Variants in IQCJ observed in about 807,000 individuals in gnomAD.
IQCJ encodes IQ motif containing J.
In IQCJ, 9 loss-of-function variants were observed where a neutral mutation model predicts 11.0. That is an observed-to-expected ratio of 0.82 (90% confidence interval 0.49 to 1.43). The LOEUF (loss-of-function observed/expected upper bound fraction) is 1.43, where lower values mean the gene tolerates loss of function less well. Ranked by LOEUF, IQCJ falls within the 40% of genes most tolerant of loss-of-function variation. The pLI, the probability that IQCJ is intolerant of heterozygous loss-of-function variation, is 0.00. For synonymous variants in IQCJ, 55 were observed against 51.3 expected (o/e 1.07, Z -0.31); for missense variants, 146 against 133.2 (o/e 1.10, Z -0.47).
chr3:159,199,849 C>T (rs1216971024), intron 1 of IQCJ, among the ~76,000 whole-genome samples: 2 of 151,860 alleles, frequency 1.3e-5, no homozygotes, highest in African/African-American at 2.4e-5. Context: ...CCAAGACCCA[C>T]AGGAGCAGCA....
chr3:159,262,463 A>G, intron 3 of IQCJ, 85 bp from the exon 4 acceptor site: 1 of 1,532,512 alleles, frequency 6.5e-7, no homozygotes, highest in South Asian at 1.2e-5. Context: ...ATTCCTTCAG[A>G]CTCCTTGTGA....
chr3:159,265,746 C>G (rs1173883581), downstream of IQCJ: 1 of 170,458 alleles, frequency 5.9e-6, no homozygotes, highest in African/African-American at 2.4e-5. Flanking sequence ...CTAACACAAC[C>G]TTAATGGAGG....
At chr3:159,084,907 T>C (rs1365735726) in intron 1 of IQCJ, among the ~76,000 whole-genome samples, 1 of 81,494 alleles carries the variant, frequency 1.2e-5, no homozygotes, top group Non-Finnish European at 2.8e-5. Context: ...GGGGAATGCA[T>C]AAGTTCTTTT....
chr3:159,214,207 C>T (rs1165292716), intron 1 of IQCJ, among the ~76,000 whole-genome samples: 2 of 152,112 alleles, frequency 1.3e-5, no homozygotes, highest in Non-Finnish European at 2.9e-5. Context: ...GTTCACTCTC[C>T]CTCCTTCCAT....
rs528952541 is a variant in IQCJ, at chr3:159,162,799, A to T, written c.10-83044A>T. 2.0e-5 allele frequency among the ~76,000 whole-genome samples: 3 copies of T among 152,350 alleles called. No homozygotes were observed. The South Asian group carries it at 6.2e-4, about 32-fold the overall frequency. ...GTCAGAGAATACTACAAACACCTCT[A>T]TGCAAATAAACTAGAAAATCTAGAA... On this transcript the variant is annotated intron_variant, in intron 1 of 3. Coordinates refer to ENST00000397832, the MANE Select transcript of IQCJ (RefSeq NM_001042706.3).
chr3:159,226,756 C>G (rs1055342059), intron 1 of IQCJ, among the ~76,000 whole-genome samples: 1 of 152,108 alleles, frequency 6.6e-6, no homozygotes, highest in Non-Finnish European at 1.5e-5. Flanking sequence ...GTTCTGGAGA[C>G]AGGGAGGGAA....
At chr3:159,106,687 G>A (rs142796512) in intron 1 of IQCJ, among the ~76,000 whole-genome samples, 5 of 152,122 alleles carry the variant, frequency 3.3e-5, no homozygotes, top group South Asian at 2.1e-4. Context: ...CACTATCTAC[G>A]TAGAGTTAGT....
At chr3:159,074,506 A>G (rs939161884) in intron 1 of IQCJ, among the ~76,000 whole-genome samples, 1 of 152,058 alleles carries the variant, frequency 6.6e-6, no homozygotes, top group African/African-American at 2.4e-5. Context: ...GTGTCTGCAG[A>G]TGAACCATCT....
At chr3:159,125,099 A>G (rs1338304846) in intron 1 of IQCJ, among the ~76,000 whole-genome samples, 1 of 152,174 alleles carries the variant, frequency 6.6e-6, no homozygotes, top group East Asian at 1.9e-4. Context: ...TAGTGTAGAA[A>G]CCTGATAAAC....
intron 1 of IQCJ, among the ~76,000 whole-genome samples, chr3:159,207,509 T>G (rs2108082180): frequency 6.6e-6 from 1 of 152,196 alleles, no homozygotes; most frequent in South Asian, 2.1e-4. Context: ...CAATATACTG[T>G]TTTGAAAAAA....
intron 1 of IQCJ, among the ~76,000 whole-genome samples, chr3:159,114,362 G>A (rs1162510269): frequency 6.6e-6 from 1 of 151,118 alleles, no homozygotes; most frequent in Non-Finnish European, 1.5e-5. Flanking sequence ...CCAGGCTGGA[G>A]TGCAGTGGCA....
At chr3:159,259,113 G>A (rs140944004) in intron 3 of IQCJ, among the ~76,000 whole-genome samples, 14 of 152,100 alleles carry the variant, frequency 9.2e-5, no homozygotes, top group African/African-American at 2.4e-4. Context: ...TTGGCAACCC[G>A]GACTGCACTG....
intron 1 of IQCJ, among the ~76,000 whole-genome samples, chr3:159,195,977 T>C (rs1218294549): frequency 1.3e-5 from 2 of 152,208 alleles, no homozygotes; most frequent in Non-Finnish European, 2.9e-5. Context: ...GTTTTCTGTA[T>C]GCCAAACACT....
intron 1 of IQCJ, among the ~76,000 whole-genome samples, chr3:159,163,809 TG>T (rs1722012762): frequency 6.6e-6 from 1 of 152,184 alleles, no homozygotes; most frequent in Admixed American, 6.6e-5. Context: ...AGAACCATAC[TG>T]GAGGTTGGGA....
chr3:159,203,284 A>C (rs902198404), intron 1 of IQCJ, among the ~76,000 whole-genome samples: 11 of 148,654 alleles, frequency 7.4e-5, no homozygotes, highest in African/African-American at 2.7e-4. Flanking sequence ...AGTTATGGAG[A>C]GTGTGGTCTG....
At chr3:159,185,548 T>A (rs529376071) in intron 1 of IQCJ, among the ~76,000 whole-genome samples, 1 of 152,300 alleles carries the variant, frequency 6.6e-6, no homozygotes, top group South Asian at 2.1e-4. Context: ...AGAAAACTAT[T>A]ATTATCTCAT....
At chr3:159,115,562 G>A (rs1577018003) in intron 1 of IQCJ, among the ~76,000 whole-genome samples, 1 of 151,856 alleles carries the variant, frequency 6.6e-6, no homozygotes, top group African/African-American at 2.4e-5. Context: ...AGGAAGATTA[G>A]GAGCAACTGG....
Position 159,230,596 on chromosome 3 carries a change from C to T in IQCJ, c.10-15247C>T, listed in dbSNP as rs755818887. Among the ~76,000 whole-genome samples the T allele has an allele frequency of 5.8e-4, 88 of 152,126 alleles. 1 individual carries two copies. The highest frequency in any genetic ancestry group is 1.2e-4 in the Non-Finnish European group (8 of 68,038). On this transcript the variant is annotated intron_variant, in intron 1 of 3. Coordinates refer to ENST00000397832, the MANE Select transcript of IQCJ (RefSeq NM_001042706.3). Reference sequence around the variant, plus strand: ...GTGATGCCTGCTTCATACAATCTCACACAGAAAGAAGGCATTAGACATAGA... The same window carrying T: ...GTGATGCCTGCTTCATACAATCTCATACAGAAAGAAGGCATTAGACATAGA...
At position 159,193,656 on chromosome 3, in the gene IQCJ, C is replaced by T. The variant is rs116106468; in HGVS notation, c.10-52187C>T. Among the ~76,000 whole-genome samples, 253 of 152,242 alleles carry T rather than the reference C, an allele frequency of 1.7e-3. 1 individual carries two copies. The highest frequency in any genetic ancestry group is 5.9e-3 in the African/African-American group (245 of 41,542). ...TGAGCAAAGGAAGAAAATCTATACCCAAAATATGTGTTAATTCCAGTCAAA... is the reference window on the plus strand; with the variant it reads ...TGAGCAAAGGAAGAAAATCTATACCTAAAATATGTGTTAATTCCAGTCAAA... On this transcript the variant is annotated intron_variant, in intron 1 of 3. Coordinates refer to ENST00000397832, the MANE Select transcript of IQCJ (RefSeq NM_001042706.3).
Sources: allele counts gnomAD v4.1 joint callset (sites outside exome capture counted in the v4.1 genomes callset), GRCh38; gene constraint gnomAD v4.1.1; transcripts MANE v1.5; gene names NCBI Gene and HGNC (gene_info 2026-07-23, HGNC 2026-07-21).